Variants in ARID1B observed in about 807,000 individuals in gnomAD.
The protein encoded by ARID1B is AT-rich interaction domain 1B, also known as AT-rich interactive domain-containing protein 1B.
In ARID1B, 30 loss-of-function variants were observed where a neutral mutation model predicts 212.3. The observed-to-expected ratio is 0.14, with a 90% CI of 0.11 to 0.19. The LOEUF (loss-of-function observed/expected upper bound fraction) is 0.19, where lower values mean the gene tolerates loss of function less well. Ranked by LOEUF, ARID1B falls within the 10% of genes least tolerant of loss-of-function variation. The pLI is 1.00. For synonymous variants in ARID1B, 1,402 were observed against 1,301.7 expected, an observed-to-expected ratio of 1.08 and a Z score of -1.66; for missense variants, 2,891 against 3,204.0, an observed-to-expected ratio of 0.90 and a Z score of 2.36.
At chr6:156,913,563 G>A (rs2128229273) in intron 3 of ARID1B, among the ~76,000 whole-genome samples, 1 of 152,198 alleles carries the variant, frequency 6.6e-6, no homozygotes, top group Admixed American at 6.5e-5. Context: ...TCACCATGTT[G>A]TACAACAGAT....
At chr6:157,191,422 T>C (rs1256428835) in intron 15 of ARID1B, among the ~76,000 whole-genome samples, 1 of 151,850 alleles carries the variant, frequency 6.6e-6, no homozygotes, top group East Asian at 1.9e-4. Flanking sequence ...TGGTAAGGCA[T>C]GGAGTGCATG....
At chr6:157,027,915 C>T (rs1426976968) in intron 4 of ARID1B, among the ~76,000 whole-genome samples, 7 of 152,072 alleles carry the variant, frequency 4.6e-5, no homozygotes, top group African/African-American at 1.2e-4. Flanking sequence ...TTAGTACTTC[C>T]GTTGATTTAT....
intron 2 of ARID1B, among the ~76,000 whole-genome samples, chr6:156,889,912 T>C (rs190996626): frequency 3.8e-4 from 58 of 152,366 alleles, no homozygotes; most frequent in African/African-American, 1.4e-3. Flanking sequence ...GCAACACTCC[T>C]TGAAGCCTGA....
intron 4 of ARID1B, among the ~76,000 whole-genome samples, chr6:157,038,055 A>G (rs1781449172): frequency 6.6e-6 from 1 of 152,234 alleles, no homozygotes; most frequent in Non-Finnish European, 1.5e-5. Flanking sequence ...TAAATTTGTT[A>G]AATTTTGAGT....
chr6:156,823,688 G>GTTT (rs56983474), intron 1 of ARID1B, among the ~76,000 whole-genome samples: 7,077 of 117,788 alleles, frequency 0.06, 261 homozygotes, highest in Middle Eastern at 0.12. Flanking sequence ...TTTCTTTGTT[G>GTTT]TTTTTTTTTT....
At chr6:156,829,513 G>A in intron 2 of ARID1B, 92 bp downstream of exon 2, 1 of 1,272,464 alleles carries the variant, frequency 7.9e-7, no homozygotes, top group Non-Finnish European at 1.1e-6. Context: ...AAGAGAATTA[G>A]GGGGCATTGC....
At chr6:156,968,970 G>C (rs944798695) in intron 4 of ARID1B, among the ~76,000 whole-genome samples, 2 of 152,236 alleles carry the variant, frequency 1.3e-5, no homozygotes, top group Admixed American at 1.3e-4. Context: ...AGGTGGAGAG[G>C]TGGCCCCAGG....
At chr6:156,829,453 T>C in intron 2 of ARID1B, 32 bp downstream of exon 2, 1 of 1,588,162 alleles carries the variant, frequency 6.3e-7, no homozygotes. Flanking sequence ...CGCTGCTTTT[T>C]TGTAATAGTT....
In ARID1B at chr6:157,148,257, C is replaced by T. The variant is rs558049827; in HGVS notation, c.2762-367C>T. 2.0e-5 allele frequency among the ~76,000 whole-genome samples: 3 copies of T among 152,024 alleles called. No homozygotes were observed. The highest frequency in any genetic ancestry group is 4.4e-5 in the Non-Finnish European group (3 of 68,010). ...GTGTGATCTCAAGAGTGGTGCTCAC[C>T]ATTTTGGTTAAAATATAAGAATATG... On this transcript the variant is annotated intron_variant, in intron 7 of 19. Coordinates refer to ENST00000636930, the MANE Select transcript of ARID1B (RefSeq NM_001374828.1). This position sits in a 1 kb window ranked among gnomAD's most constrained non-coding sequence, Gnocchi z 5.6.
intron 4 of ARID1B, among the ~76,000 whole-genome samples, chr6:157,062,205 T>TG (rs1427121247): frequency 4.2e-5 from 6 of 143,280 alleles, no homozygotes; most frequent in African/African-American, 1.5e-4. Context: ...TGTTTTGTTG[T>TG]TTTTTTTTTT....
chr6:156,995,994 ACC>A (rs1299278004), intron 4 of ARID1B, among the ~76,000 whole-genome samples: 2 of 152,132 alleles, frequency 1.3e-5, no homozygotes, highest in African/African-American at 4.8e-5. Flanking sequence ...AAACCTCAGG[ACC>A]CCACACAAAA....
chr6:156,889,464 T>C (rs1787761567), intron 2 of ARID1B, among the ~76,000 whole-genome samples: 1 of 152,244 alleles, frequency 6.6e-6, no homozygotes, highest in Non-Finnish European at 1.5e-5. Context: ...AGTTCAACAC[T>C]GGTTGTAAAT....
At chr6:157,026,105 A>G (rs1303651381) in intron 4 of ARID1B, among the ~76,000 whole-genome samples, 1 of 152,108 alleles carries the variant, frequency 6.6e-6, no homozygotes, top group African/African-American at 2.4e-5. Flanking sequence ...TTGTATTTGT[A>G]GTAGAGACAG....
At chr6:156,932,536 C>G (rs575754187) in intron 3 of ARID1B, among the ~76,000 whole-genome samples, 1 of 152,268 alleles carries the variant, frequency 6.6e-6, no homozygotes, top group East Asian at 1.9e-4. Context: ...AAGTGTAAAG[C>G]TGTGCTTCTT....
intron 1 of ARID1B, among the ~76,000 whole-genome samples, chr6:156,788,374 A>G (rs547255126): frequency 6.6e-6 from 1 of 152,324 alleles, no homozygotes; most frequent in African/African-American, 2.4e-5. Context: ...GTTTACCCAC[A>G]GAGCCTACGG....
At chr6:157,120,161 T>C (rs969686645) in intron 6 of ARID1B, among the ~76,000 whole-genome samples, 4 of 152,216 alleles carry the variant, frequency 2.6e-5, no homozygotes, top group African/African-American at 9.7e-5. Flanking sequence ...TCCTCAGCAC[T>C]GAAGTGGACT....
At chr6:156,797,916 A>G (rs1156938582) in intron 1 of ARID1B, among the ~76,000 whole-genome samples, 1 of 152,170 alleles carries the variant, frequency 6.6e-6, no homozygotes, top group Non-Finnish European at 1.5e-5. Context: ...AGGGCGATGG[A>G]AAAGCTGAGG....
intron 4 of ARID1B, among the ~76,000 whole-genome samples, chr6:157,062,708 T>A (rs141783469): frequency 0.11 from 8,170 of 77,450 alleles, 268 homozygotes; most frequent in Non-Finnish European, 0.12. Flanking sequence ...ATATATATAT[T>A]TTTTTTTTTT....
intron 13 of ARID1B, among the ~76,000 whole-genome samples, chr6:157,187,322 G>C (rs1793041723): frequency 6.6e-6 from 1 of 152,184 alleles, no homozygotes; most frequent in South Asian, 2.1e-4. Context: ...TTGGCTGGCA[G>C]GTGGCTGACT....
Sources: allele counts gnomAD v4.1 joint callset (sites outside exome capture counted in the v4.1 genomes callset), GRCh38; gene constraint gnomAD v4.1.1; non-coding constraint Gnocchi (gnomAD v3.1); transcripts MANE v1.5; gene names NCBI Gene and HGNC (gene_info 2026-07-23, HGNC 2026-07-21).